FGF14: variants seen among roughly 807,000 people sequenced by gnomAD.
FGF14 encodes fibroblast growth factor homologous factor 4.
FGF14 carries 5 observed loss-of-function variants against 25.5 expected under a neutral mutation model. The observed-to-expected ratio is 0.20, with a 90% CI of 0.10 to 0.41. The LOEUF (loss-of-function observed/expected upper bound fraction) is 0.41, where lower values mean the gene tolerates loss of function less well. FGF14 is among the 10% of genes least tolerant of loss of function. The pLI is 1.00. For missense variants in FGF14, 222 were observed against 320.1 expected (o/e 0.69, Z 2.34); for synonymous variants, 138 against 118.3 (o/e 1.17, Z -1.08).
At chr13:102,329,413 C>G (rs568364304) in intron 1 of FGF14, among the ~76,000 whole-genome samples, 1 of 152,190 alleles carries the variant, frequency 6.6e-6, no homozygotes, top group Admixed American at 6.5e-5. Flanking sequence ...AGACCTATAG[C>G]TCTTCTGCAC....
intron 1 of FGF14, among the ~76,000 whole-genome samples, chr13:102,157,535 G>A (rs1190682342): frequency 6.6e-5 from 10 of 152,114 alleles, no homozygotes; most frequent in Non-Finnish European, 4.4e-5. Flanking sequence ...TTAAATGTTA[G>A]ATCTAAAACC....
rs1395391382 is a variant in FGF14, at chr13:101,713,064, C to A, written c.*9767G>T. 6.6e-6 allele frequency: 1 copy of A among 152,208 alleles called. No individual in the cohort carries two copies. The highest frequency in any genetic ancestry group is 2.4e-5 in the African/African-American group (1 of 41,460). 9.4% of individuals were successfully genotyped at this position (152,208 alleles called of 1,614,324 possible). A position where few individuals can be genotyped will look rare whatever the true frequency, so the allele number is the denominator to read the frequency against. Reference sequence around the variant, plus strand: ...TAGCTACGCAAGAAGTTAAAAAACACAATTGTCACAATCTAAATAATTCTG... The same window carrying A: ...TAGCTACGCAAGAAGTTAAAAAACAAAATTGTCACAATCTAAATAATTCTG... On this transcript the variant is annotated 3_prime_UTR_variant, in exon 5 of 5. Transcript: ENST00000376143.
chr13:101,883,817 C>CT (rs1566372918), intron 1 of FGF14, among the ~76,000 whole-genome samples: 1 of 151,844 alleles, frequency 6.6e-6, no homozygotes, highest in African/African-American at 2.4e-5. Flanking sequence ...AATCCCAGCA[C>CT]TTTGGGAGGC....
intron 1 of FGF14, among the ~76,000 whole-genome samples, chr13:102,033,836 T>C (rs2041337096): frequency 6.6e-6 from 1 of 152,120 alleles, no homozygotes; most frequent in South Asian, 2.1e-4. Context: ...TCAATGCACT[T>C]GAAACCAAGA....
intron 1 of FGF14, among the ~76,000 whole-genome samples, chr13:102,016,050 G>A (rs1229596691): frequency 1.3e-5 from 2 of 151,652 alleles, no homozygotes; most frequent in African/African-American, 4.9e-5. Context: ...TTCTCAATAA[G>A]AGACAATAAA....
chr13:102,058,674 T>A (rs979890553), intron 1 of FGF14, among the ~76,000 whole-genome samples: 20 of 152,318 alleles, frequency 1.3e-4, no homozygotes, highest in African/African-American at 4.6e-4. Context: ...TTTTTCAAAA[T>A]AAGATAATGC....
intron 1 of FGF14, among the ~76,000 whole-genome samples, chr13:102,291,480 T>C (rs932309587): frequency 5.9e-5 from 9 of 152,122 alleles, no homozygotes; most frequent in Non-Finnish European, 2.9e-5. Context: ...AAGGAGTGTA[T>C]TCCTTCCCCG....
chr13:101,823,175 C>G (rs1450683390), intron 3 of FGF14, among the ~76,000 whole-genome samples: 1 of 151,870 alleles, frequency 6.6e-6, no homozygotes, highest in Non-Finnish European at 1.5e-5. Context: ...CGTTTGAATA[C>G]AAGTATTTGT....
chr13:101,943,823 AAAAAT>A (rs1196353364), intron 1 of FGF14, among the ~76,000 whole-genome samples: 1 of 135,164 alleles, frequency 7.4e-6, no homozygotes, highest in Non-Finnish European at 1.5e-5. Flanking sequence ...AAAAAAAAAA[AAAAAT>A]ATATATATAT....
chr13:102,100,190 G>A (rs1952349685), intron 1 of FGF14, among the ~76,000 whole-genome samples: 3 of 152,064 alleles, frequency 2.0e-5, no homozygotes, highest in Admixed American at 1.3e-4. Flanking sequence ...TGAAACCCTC[G>A]AGACCTAGCC....
At chr13:102,027,146 G>A (rs538272309) in intron 1 of FGF14, among the ~76,000 whole-genome samples, 12 of 151,826 alleles carry the variant, frequency 7.9e-5, no homozygotes, top group Middle Eastern at 3.2e-3. Context: ...TCTAGTAAGA[G>A]TAATTGGCAA....
At chr13:101,896,444 T>G (rs1359663297) in intron 1 of FGF14, among the ~76,000 whole-genome samples, 1 of 152,172 alleles carries the variant, frequency 6.6e-6, no homozygotes, top group African/African-American at 2.4e-5. Flanking sequence ...AGCAAGCCTA[T>G]GGGTCATATC....
chr13:102,331,419 G>T (rs1350456937), intron 1 of FGF14, among the ~76,000 whole-genome samples: 1 of 152,058 alleles, frequency 6.6e-6, no homozygotes, highest in African/African-American at 2.4e-5. Context: ...TGCATGTATT[G>T]GTTAAACATT....
intron 1 of FGF14, among the ~76,000 whole-genome samples, chr13:102,084,817 T>C (rs1040972746): frequency 6.6e-6 from 1 of 152,210 alleles, no homozygotes. Context: ...CTCATAAACG[T>C]GGTAGATGGA....
chr13:102,276,343 G>GTC (rs2053543004), intron 1 of FGF14, among the ~76,000 whole-genome samples: 3 of 32,312 alleles, frequency 9.3e-5, no homozygotes, highest in Non-Finnish European at 1.7e-4. Flanking sequence ...GTGTGTGTGT[G>GTC]TGTGTGTGTG....
intron 3 of FGF14, among the ~76,000 whole-genome samples, chr13:101,861,206 C>G (rs1307522020): frequency 6.6e-6 from 1 of 152,084 alleles, no homozygotes; most frequent in Non-Finnish European, 1.5e-5. Context: ...TTTCCCAAGA[C>G]AGCCCTGAGA....
At chr13:101,901,151 T>C (rs374745745) in intron 1 of FGF14, among the ~76,000 whole-genome samples, 4 of 152,222 alleles carry the variant, frequency 2.6e-5, no homozygotes, top group Admixed American at 2.0e-4. Flanking sequence ...CTGGATTTTA[T>C]GGTGTTTCAA....
chr13:102,369,190 G>A (rs934411695), intron 1 of FGF14, among the ~76,000 whole-genome samples: 1 of 152,160 alleles, frequency 6.6e-6, no homozygotes, highest in Admixed American at 6.5e-5. Context: ...TCAGCCACAT[G>A]GAAGCTCCTG....
intron 3 of FGF14, among the ~76,000 whole-genome samples, chr13:101,775,377 T>A (rs933190122): frequency 6.6e-6 from 1 of 152,194 alleles, no homozygotes; most frequent in African/African-American, 2.4e-5. Flanking sequence ...AGAGAATGTA[T>A]GTTTTTAGAA....
Sources: allele counts gnomAD v4.1 joint callset (sites outside exome capture counted in the v4.1 genomes callset), GRCh38; gene constraint gnomAD v4.1.1; transcripts MANE v1.5; gene names NCBI Gene and HGNC (gene_info 2026-07-23, HGNC 2026-07-21).